The following SPAG16 variants were observed in gnomAD, a reference collection of about 807,000 sequenced individuals.
The protein encoded by SPAG16 is sperm associated antigen 16, also known as sperm-associated antigen 16 protein.
In SPAG16, 86 loss-of-function variants were observed where a neutral mutation model predicts 80.4. The observed-to-expected ratio is 1.07, with a 90% confidence interval of 0.90 to 1.28. The LOEUF (loss-of-function observed/expected upper bound fraction) is 1.28, where lower values mean the gene tolerates loss of function less well. Among genes scored for constraint, SPAG16 ranks in the 50% most tolerant of loss-of-function variants. The pLI, the probability that SPAG16 is intolerant of heterozygous loss-of-function variation, is 0.00. For synonymous variants in SPAG16, 294 were observed against 265.9 expected (o/e 1.11, Z -1.03); for missense variants, 870 against 765.3 (o/e 1.14, Z -1.61).
intron 14 of SPAG16, among the ~76,000 whole-genome samples, chr2:214,109,391 T>G (rs771409938): frequency 6.6e-6 from 1 of 152,138 alleles, no homozygotes; most frequent in Non-Finnish European, 1.5e-5. Context: ...ATGATTTAAT[T>G]ATATCTAACA....
At chr2:213,314,557 A>G (rs1171219654) in intron 4 of SPAG16, among the ~76,000 whole-genome samples, 1 of 151,832 alleles carries the variant, frequency 6.6e-6, no homozygotes, top group Non-Finnish European at 1.5e-5. Flanking sequence ...CATCTTTCAT[A>G]TTTTTACATG....
At chr2:214,257,209 T>A (rs539829001) in intron 15 of SPAG16, among the ~76,000 whole-genome samples, 9 of 151,358 alleles carry the variant, frequency 5.9e-5, no homozygotes, top group South Asian at 2.1e-4. Context: ...ATAAAAAAAA[T>A]GTGATAGATT....
chr2:214,401,600 G>T (rs1261450163), intron 15 of SPAG16, among the ~76,000 whole-genome samples: 1 of 151,824 alleles, frequency 6.6e-6, no homozygotes, highest in Non-Finnish European at 1.5e-5. Flanking sequence ...TGAAGTTATT[G>T]TAATGAGAAA....
chr2:213,309,724 C>T, intron 3 of SPAG16, among the ~76,000 whole-genome samples: 1 of 152,036 alleles, frequency 6.6e-6, no homozygotes, highest in South Asian at 2.1e-4. Context: ...CCCAGCTTCA[C>T]ATAAATACTT....
intron 15 of SPAG16, among the ~76,000 whole-genome samples, chr2:214,226,552 G>C (rs1055637504): frequency 6.6e-6 from 1 of 152,052 alleles, no homozygotes; most frequent in African/African-American, 2.4e-5. Flanking sequence ...AAGCAAGTTT[G>C]GTTAAGGCCT....
intron 15 of SPAG16, among the ~76,000 whole-genome samples, chr2:214,237,812 T>C (rs1011535021): frequency 6.6e-6 from 1 of 152,010 alleles, no homozygotes; most frequent in African/African-American, 2.4e-5. Flanking sequence ...AAAAGTATGA[T>C]TTTTAAAGAA....
intron 15 of SPAG16, among the ~76,000 whole-genome samples, chr2:214,266,871 C>T (rs1691613456): frequency 6.6e-6 from 1 of 151,174 alleles, no homozygotes; most frequent in Non-Finnish European, 1.5e-5. Flanking sequence ...ACTTAGGAGT[C>T]AATTTAACCA....
At chr2:213,594,629 A>G (rs536133677) in intron 10 of SPAG16, among the ~76,000 whole-genome samples, 1 of 152,264 alleles carries the variant, frequency 6.6e-6, no homozygotes, top group East Asian at 1.9e-4. Context: ...TCACTAAGTG[A>G]TTACTCCTGT....
intron 9 of SPAG16, among the ~76,000 whole-genome samples, chr2:213,444,235 G>C (rs1041151104): frequency 6.6e-6 from 1 of 152,358 alleles, no homozygotes; most frequent in South Asian, 2.1e-4. Flanking sequence ...TCTTGTCAAA[G>C]AGAAGTTGAG....
chr2:213,371,024 C>G (rs1008888079), intron 8 of SPAG16, among the ~76,000 whole-genome samples: 1 of 152,074 alleles, frequency 6.6e-6, no homozygotes, highest in Non-Finnish European at 1.5e-5. Flanking sequence ...AGCACTTTTC[C>G]CTAAGCTTCT....
intron 10 of SPAG16, among the ~76,000 whole-genome samples, chr2:213,652,654 A>C (rs1010298439): frequency 1.3e-5 from 2 of 151,902 alleles, no homozygotes; most frequent in Non-Finnish European, 2.9e-5. Flanking sequence ...TATATCAGAC[A>C]TTTTTTTCAT....
At chr2:213,371,408 A>G (rs1301890835) in intron 8 of SPAG16, among the ~76,000 whole-genome samples, 1 of 143,726 alleles carries the variant, frequency 7.0e-6, no homozygotes, top group East Asian at 2.1e-4. Context: ...AAAAAAAAAA[A>G]AAAAAAAAAA....
chr2:214,249,963 G>A (rs1281495080), intron 15 of SPAG16: 1 of 152,090 alleles, frequency 6.6e-6, no homozygotes, highest in African/African-American at 2.4e-5. Flanking sequence ...GCTCTTCTTG[G>A]TAGCTTTCTT....
At chr2:214,257,678 C>T (rs544537307) in intron 15 of SPAG16, among the ~76,000 whole-genome samples, 2 of 151,976 alleles carry the variant, frequency 1.3e-5, no homozygotes, top group East Asian at 1.9e-4. Flanking sequence ...TGTAAAACAG[C>T]GAAGATAAAC....
intron 14 of SPAG16, among the ~76,000 whole-genome samples, chr2:214,137,295 A>G (rs1345799022): frequency 6.6e-6 from 1 of 152,098 alleles, no homozygotes; most frequent in Non-Finnish European, 1.5e-5. Flanking sequence ...TTTTTTCGTC[A>G]TTAATAATCT....
intron 9 of SPAG16, among the ~76,000 whole-genome samples, chr2:213,450,788 C>T (rs2125573243): frequency 6.6e-6 from 1 of 152,218 alleles, no homozygotes; most frequent in Middle Eastern, 3.4e-3. Context: ...CTGCATGTAG[C>T]TTGCTCTGAA....
At chr2:213,436,667 TTA>T (rs749337365) in intron 9 of SPAG16, among the ~76,000 whole-genome samples, 2 of 151,822 alleles carry the variant, frequency 1.3e-5, no homozygotes, top group Non-Finnish European at 2.9e-5. Context: ...AGAAATTAAA[TTA>T]TATGAATTCA....
At chr2:213,553,205 A>T (rs567819397) in intron 10 of SPAG16, among the ~76,000 whole-genome samples, 2 of 152,188 alleles carry the variant, frequency 1.3e-5, no homozygotes, top group Non-Finnish European at 2.9e-5. Context: ...TCATCTGTCC[A>T]TACACAAAAA....
intron 11 of SPAG16, among the ~76,000 whole-genome samples, chr2:213,901,727 A>T (rs923798436): frequency 3.9e-5 from 6 of 152,174 alleles, no homozygotes; most frequent in Non-Finnish European, 7.3e-5. Flanking sequence ...AATCTATAGC[A>T]CAGCATCTAT....
Sources: allele counts gnomAD v4.1 joint callset (sites outside exome capture counted in the v4.1 genomes callset), GRCh38; gene constraint gnomAD v4.1.1; transcripts MANE v1.5; gene names NCBI Gene and HGNC (gene_info 2026-07-23, HGNC 2026-07-21).